The following PDE8B variants were observed in gnomAD, a reference collection of about 807,000 sequenced individuals.
The protein encoded by PDE8B is phosphodiesterase 8B.
In PDE8B, 26 loss-of-function variants were observed where a neutral mutation model predicts 101.3. The ratio of observed to expected loss-of-function variants is 0.26; its 90% confidence interval spans 0.19 to 0.36. The LOEUF is 0.36. Ranked by LOEUF, PDE8B falls within the 10% of genes least tolerant of loss-of-function variation. PDE8B has a pLI of 1.00. For synonymous variants in PDE8B, 424 were observed against 429.3 expected, an observed-to-expected ratio of 0.99 and a Z score of 0.15; for missense variants, 810 against 1,163.1, an observed-to-expected ratio of 0.70 and a Z score of 4.42.
chr5:77,310,594 T>C (rs1196717192), intron 1 of PDE8B, among the ~76,000 whole-genome samples: 1 of 152,220 alleles, frequency 6.6e-6, no homozygotes, highest in Non-Finnish European at 1.5e-5. Flanking sequence ...AAGCCTCCAG[T>C]TGGTTTTCAT....
At chr5:77,192,723 A>G in the PDE8B span, among the ~76,000 whole-genome samples, 2 of 152,184 alleles carry the variant, frequency 1.3e-5, no homozygotes, top group African/African-American at 4.8e-5. Flanking sequence ...TTTCCATGGT[A>G]AGTGTATGTT....
chr5:77,108,950 G>C, the PDE8B span, among the ~76,000 whole-genome samples: 1 of 152,082 alleles, frequency 6.6e-6, no homozygotes, highest in Non-Finnish European at 1.5e-5. Flanking sequence ...TTCTGCCATT[G>C]GTAAGATGGA....
intron 1 of PDE8B, among the ~76,000 whole-genome samples, chr5:77,266,450 G>C (rs530330855): frequency 2.0e-4 from 30 of 152,300 alleles, no homozygotes; most frequent in East Asian, 1.4e-3. Flanking sequence ...TCTATTCCTA[G>C]GGGAAAGAAG....
At chr5:77,185,327 C>A in the PDE8B span, among the ~76,000 whole-genome samples, 2 of 152,110 alleles carry the variant, frequency 1.3e-5, no homozygotes, top group African/African-American at 4.8e-5. Flanking sequence ...AAGGTATCAG[C>A]AGCATTGGTT....
chr5:77,290,890 A>G (rs895047474), intron 1 of PDE8B: 101 of 1,602,730 alleles, frequency 6.3e-5, no homozygotes, highest in Non-Finnish European at 8.4e-5. Context: ...ATAATAGCCA[A>G]GGTTCTGGAG....
chr5:77,351,261 G>C (rs1179045450), intron 9 of PDE8B, 108 bp downstream of exon 9: 1 of 843,856 alleles, frequency 1.2e-6, no homozygotes, highest in Admixed American at 2.0e-5. Context: ...AATGCAGTAG[G>C]GTTGTGCTGA....
At chr5:77,275,389 C>T (rs1318419314) in intron 1 of PDE8B, among the ~76,000 whole-genome samples, 1 of 109,458 alleles carries the variant, frequency 9.1e-6, no homozygotes, top group Non-Finnish European at 2.0e-5. Flanking sequence ...AAAAGAGGAC[C>T]ACTTAAAAAA....
intron 1 of PDE8B, among the ~76,000 whole-genome samples, chr5:77,239,021 A>G (rs1308344158): frequency 2.6e-5 from 4 of 152,222 alleles, no homozygotes; most frequent in African/African-American, 9.7e-5. Context: ...ATATGTTTTA[A>G]AAGCTATCTA....
At chr5:77,187,177 C>T in the PDE8B span, among the ~76,000 whole-genome samples, 1 of 152,178 alleles carries the variant, frequency 6.6e-6, no homozygotes, top group South Asian at 2.1e-4. Flanking sequence ...AAAGGTTACA[C>T]TATGATTTGG....
intron 5 of PDE8B, among the ~76,000 whole-genome samples, chr5:77,332,935 A>C (rs1777427873): frequency 6.6e-6 from 1 of 151,914 alleles, no homozygotes; most frequent in African/African-American, 2.4e-5. Flanking sequence ...AATTATGAAA[A>C]TCCTCTGTGT....
intron 1 of PDE8B, chr5:77,246,967 T>C (rs1241531946): frequency 1.3e-5 from 2 of 152,214 alleles, no homozygotes; most frequent in Non-Finnish European, 1.5e-5. Context: ...ATTTATAAAG[T>C]AGTGATAATC....
chr5:77,180,112 A>AGGCTCCAGGTTTGGC, the PDE8B span, among the ~76,000 whole-genome samples: 125 of 152,288 alleles, frequency 8.2e-4, no homozygotes, highest in Non-Finnish European at 1.6e-3. Context: ...GTCCCAAGAA[A>AGGCTCCAGGTTTGGC]GGCTCCAGGT....
intron 7 of PDE8B, among the ~76,000 whole-genome samples, chr5:77,347,450 A>G (rs1235256323): frequency 6.6e-6 from 1 of 152,198 alleles, no homozygotes; most frequent in African/African-American, 2.4e-5. Context: ...CAAATTTACA[A>G]CTTAATAGGG....
chr5:77,174,626 T>C, the PDE8B span, among the ~76,000 whole-genome samples: 3 of 152,198 alleles, frequency 2.0e-5, no homozygotes, highest in Non-Finnish European at 2.9e-5. Context: ...TTGAAACAGC[T>C]TCATTCTCTC....
chr5:77,382,696 G>C (rs1581380115), intron 10 of PDE8B, among the ~76,000 whole-genome samples: 1 of 151,976 alleles, frequency 6.6e-6, no homozygotes, highest in East Asian at 1.9e-4. Flanking sequence ...GTGTTTGGTT[G>C]TCTGTTCTTG....
chr5:77,402,730 T>C (rs1256023201), intron 11 of PDE8B, among the ~76,000 whole-genome samples: 1 of 152,234 alleles, frequency 6.6e-6, no homozygotes, highest in African/African-American at 2.4e-5. Flanking sequence ...CAAAACAGCC[T>C]ATAAATGAGA....
the PDE8B span, among the ~76,000 whole-genome samples, chr5:77,160,567 G>T: frequency 3.3e-5 from 5 of 152,064 alleles, no homozygotes; most frequent in Admixed American, 3.3e-4. Context: ...CATATTTATT[G>T]TCTGTTTATA....
chr5:77,117,857 C>G, the PDE8B span, among the ~76,000 whole-genome samples: 1 of 152,106 alleles, frequency 6.6e-6, no homozygotes, highest in African/African-American at 2.4e-5. Context: ...TACTGAATGC[C>G]TGTGTATTCA....
intron 4 of PDE8B, among the ~76,000 whole-genome samples, chr5:77,331,074 C>T (rs949928547): frequency 3.9e-5 from 6 of 152,278 alleles, no homozygotes; most frequent in African/African-American, 7.2e-5. Flanking sequence ...GAACAGTGCA[C>T]GTAACATGTC....
Sources: allele counts gnomAD v4.1 joint callset (sites outside exome capture counted in the v4.1 genomes callset), GRCh38; gene constraint gnomAD v4.1.1; transcripts MANE v1.5; gene names NCBI Gene and HGNC (gene_info 2026-07-23, HGNC 2026-07-21).